The following HOOK3 variants were observed in gnomAD, a reference collection of about 807,000 sequenced individuals.
HOOK3 encodes hook microtubule tethering protein 3.
A neutral mutation model predicts 116.3 loss-of-function variants in HOOK3; 24 were observed. That is an observed-to-expected ratio of 0.21 (90% confidence interval 0.15 to 0.29). The LOEUF (loss-of-function observed/expected upper bound fraction) is 0.29. Ranked by LOEUF, HOOK3 falls within the 10% of genes least tolerant of loss-of-function variation. The pLI is 1.00. For synonymous variants in HOOK3, 275 were observed against 283.0 expected, an observed-to-expected ratio of 0.97 and a Z score of 0.28; for missense variants, 632 against 830.2, an observed-to-expected ratio of 0.76 and a Z score of 2.93.
At position 43,022,712 on chromosome 8, in the gene HOOK3, GA is replaced by G. The variant is rs1212885971; in HGVS notation, c.*4220del. ...CATTTGTCTATTTGATAGTAATGCA[GA>G]AAAAAGTCCCTAAAGACCCTGTGTT... On this transcript the variant is annotated 3_prime_UTR_variant, in exon 22 of 22. Transcript: ENST00000307602. 4.7e-4 allele frequency: 84 copies of G among 180,606 alleles called. 1 individual carries two copies. The highest frequency in any genetic ancestry group is 4.7e-5 in the Non-Finnish European group (4 of 84,538). The allele number at this position is 180,606 out of a possible 1,614,324, so 11.2% of individuals were successfully genotyped here. A position where few individuals can be genotyped will look rare whatever the true frequency, so the allele number is the denominator to read the frequency against.
At chr8:42,923,198 G>C (rs1390696576) in intron 2 of HOOK3, among the ~76,000 whole-genome samples, 1 of 152,220 alleles carries the variant, frequency 6.6e-6, no homozygotes, top group African/African-American at 2.4e-5. Context: ...TAACTAAAAA[G>C]ACAGATAATA....
intron 17 of HOOK3, among the ~76,000 whole-genome samples, chr8:43,006,129 T>C (rs1319089146): frequency 7.2e-6 from 1 of 139,854 alleles, no homozygotes; most frequent in Non-Finnish European, 1.6e-5. Context: ...CACGCCATTC[T>C]CCTGCCTCAG....
rs764464349 is a variant in HOOK3, at chr8:42,906,155, C to T, written c.58-18C>T. On this transcript the variant is annotated intron_variant, in intron 1 of 21. Coordinates refer to ENST00000307602, the MANE Select transcript of HOOK3 (RefSeq NM_032410.4). ...TAACCACAGAATCTCTCCCCCCCCC[C>T]TCTTTTTTTCCCTTCAGATCCAGAC... 43 of 941,882 alleles carry T rather than the reference C, an allele frequency of 4.6e-5. 2 individuals carry two copies. The highest frequency in any genetic ancestry group is 1.4e-4 in the African/African-American group (8 of 57,226). 58.3% of individuals were successfully genotyped at this position (941,882 alleles called of 1,614,324 possible).
At chr8:42,933,889 T>C (rs1176985069) in intron 4 of HOOK3, among the ~76,000 whole-genome samples, 1 of 152,180 alleles carries the variant, frequency 6.6e-6, no homozygotes, top group African/African-American at 2.4e-5. Context: ...TGGGACCTTT[T>C]AGGTCCTTTT....
chr8:43,010,273 A>AAT (rs1239676907), intron 18 of HOOK3, 32 bp from the exon 19 acceptor site: 3 of 522,014 alleles, frequency 5.7e-6, no homozygotes, highest in Non-Finnish European at 5.7e-6. Flanking sequence ...ATATTATCTA[A>AAT]ATATATATAT....
intron 1 of HOOK3, among the ~76,000 whole-genome samples, chr8:42,897,506 C>T (rs1163895061): frequency 2.2e-4 from 33 of 152,132 alleles, no homozygotes; most frequent in Admixed American, 2.2e-3. Context: ...GTCCAGGACC[C>T]GCCGCCGCTC....
At chr8:42,996,184 G>A (rs565467556) in intron 15 of HOOK3, among the ~76,000 whole-genome samples, 4 of 152,032 alleles carry the variant, frequency 2.6e-5, no homozygotes, top group South Asian at 4.2e-4. Flanking sequence ...TCAGGAGTTC[G>A]AGACCACCCT....
intron 7 of HOOK3, among the ~76,000 whole-genome samples, chr8:42,957,484 AAC>A (rs1808457308): frequency 6.6e-6 from 1 of 152,146 alleles, no homozygotes; most frequent in Non-Finnish European, 1.5e-5. Context: ...TGCCACATTT[AAC>A]ACAATAGATG....
chr8:42,970,813 G>A (rs547108450), intron 11 of HOOK3, among the ~76,000 whole-genome samples: 1 of 130,034 alleles, frequency 7.7e-6, no homozygotes, highest in African/African-American at 3.7e-5. Flanking sequence ...TCTGAGACAG[G>A]GTTTCACTCT....
In HOOK3 at chr8:43,027,315, G is replaced by T; in HGVS notation, c.*8817G>T. On this transcript the variant is annotated 3_prime_UTR_variant, in exon 22 of 22. Coordinates refer to ENST00000307602, the MANE Select transcript of HOOK3 (RefSeq NM_032410.4). Reference sequence around the variant, plus strand: ...TGAGTATATTAATATTCAAATCATAGTTCAAAAATACTGAAATACTTGTTT... The same window carrying T: ...TGAGTATATTAATATTCAAATCATATTTCAAAAATACTGAAATACTTGTTT... 3.6e-6 allele frequency: 1 copy of T among 277,108 alleles called. No individual in the cohort carries two copies. Among genetic ancestry groups the T allele is most frequent in the Non-Finnish European group, 7.2e-6 (1 of 138,690 alleles). The allele number at this position is 277,108 out of a possible 1,614,324, so 17.2% of individuals were successfully genotyped here.
At chr8:42,988,708 T>C (rs1809096421) in intron 15 of HOOK3, among the ~76,000 whole-genome samples, 1 of 151,994 alleles carries the variant, frequency 6.6e-6, no homozygotes, top group Non-Finnish European at 1.5e-5. Context: ...GCTTTCTTAC[T>C]TTATGAAAGT....
In HOOK3 at chr8:43,020,698, A is replaced by G; in HGVS notation, c.*2200A>G. 1 of 176,878 alleles carries G rather than the reference A, an allele frequency of 5.7e-6. No individual in the cohort carries two copies. The highest frequency in any genetic ancestry group is 2.0e-4 in the South Asian group (1 of 5,032). The allele number at this position is 176,878 out of a possible 1,614,324, so 11.0% of individuals were successfully genotyped here. On this transcript the variant is annotated 3_prime_UTR_variant, in exon 22 of 22. Coordinates refer to ENST00000307602, the MANE Select transcript of HOOK3 (RefSeq NM_032410.4). ...CACTGCATTCCAGCCTGGGCGACAG[A>G]GTGAGACTCTGTCTCAATCAGTCAA... is the stretch of plus-strand genomic sequence containing the variant.
At chr8:42,908,666 T>G (rs957984457) in intron 2 of HOOK3, among the ~76,000 whole-genome samples, 1 of 152,212 alleles carries the variant, frequency 6.6e-6, no homozygotes, top group African/African-American at 2.4e-5. Flanking sequence ...CAATTCAGAA[T>G]GGATTAAAGA....
chr8:42,997,060 AC>A (rs1418111072), intron 15 of HOOK3, among the ~76,000 whole-genome samples: 2 of 151,678 alleles, frequency 1.3e-5, no homozygotes, highest in African/African-American at 4.8e-5. Context: ...GGTGCTTACC[AC>A]CATGCCTGGC....
In HOOK3 at chr8:42,964,456, T is replaced by A. The variant is rs771506217; in HGVS notation, c.761T>A (p.Leu254His). 1.2e-6 allele frequency: 2 copies of A among 1,611,266 alleles called. No individual in the cohort carries two copies. The highest frequency in any genetic ancestry group is 1.7e-6 in the Non-Finnish European group (2 of 1,179,406). ...HLQLQTQLEQLQEETFRLEAA... is the reference protein window; with the variant it reads ...HLQLQTQLEQHQEETFRLEAA... ...CAGCTCCAGACTCAATTAGAACAGC[T>A]CCAAGAAGAAACATTCAGGTAAAAG... The change falls in exon 9 of 22, where the codon CTC becomes CAC. Residue 254 changes from leucine to histidine, a missense_variant. By Grantham distance (99) the Leu-to-His change is moderately conservative (BLOSUM62 -3). Around this residue, in one of 3 missense-constraint regions of HOOK3, gnomAD observed 483 missense variants for 648.1 expected, o/e 0.75. Coordinates refer to ENST00000307602, the MANE Select transcript of HOOK3 (RefSeq NM_032410.4).
intron 5 of HOOK3, among the ~76,000 whole-genome samples, chr8:42,947,797 T>C (rs536933705): frequency 6.6e-6 from 1 of 152,304 alleles, no homozygotes; most frequent in African/African-American, 2.4e-5. Flanking sequence ...TGTTGTTGTC[T>C]GCAAAATAAG....
chr8:43,000,129 C>T, intron 16 of HOOK3: 1 of 475,092 alleles, frequency 2.1e-6, no homozygotes, highest in East Asian at 7.0e-5. Context: ...GCCTGGGCAA[C>T]AGAGCGAGAC....
At chr8:42,906,331 A>T in intron 2 of HOOK3, 73 bp downstream of exon 2, 1 of 1,081,898 alleles carries the variant, frequency 9.2e-7, no homozygotes. Flanking sequence ...CATGGATTAA[A>T]AAAGTACTTA....
intron 10 of HOOK3, among the ~76,000 whole-genome samples, chr8:42,967,156 C>T (rs1352911595): frequency 6.6e-6 from 1 of 152,088 alleles, no homozygotes; most frequent in Non-Finnish European, 1.5e-5. Context: ...GTGCTCCTGC[C>T]AATTGGTGGC....
Sources: allele counts gnomAD v4.1 joint callset (sites outside exome capture counted in the v4.1 genomes callset), GRCh38; gene constraint gnomAD v4.1.1; regional missense constraint gnomAD v4.1.1; transcripts MANE v1.5; gene names NCBI Gene and HGNC (gene_info 2026-07-23, HGNC 2026-07-21).